Variants in AGBL3 observed in about 807,000 individuals in gnomAD.
The protein encoded by AGBL3 is cytosolic carboxypeptidase 3.
AGBL3 carries 68 observed loss-of-function variants against 94.5 expected under a neutral mutation model. The observed-to-expected ratio is 0.72, with a 90% CI of 0.59 to 0.88. AGBL3 has a LOEUF of 0.88. Ranked by LOEUF, AGBL3 falls within the 40% of genes least tolerant of loss-of-function variation. AGBL3 has a pLI of 0.00. For missense variants in AGBL3, 934 were observed against 1,103.8 expected, an observed-to-expected ratio of 0.85 and a Z score of 2.18; for synonymous variants, 354 against 370.7, an observed-to-expected ratio of 0.95 and a Z score of 0.52.
At chr7:135,017,286 T>TAG in intron 5 of AGBL3, 127 bp downstream of exon 5, 4 of 696,440 alleles carry the variant, frequency 5.7e-6, no homozygotes, top group Non-Finnish European at 1.0e-5. Flanking sequence ...TAAAGATGTT[T>TAG]GTTTATATAT....
At chr7:135,130,352 G>A (rs1242913528) in intron 16 of AGBL3, among the ~76,000 whole-genome samples, 1 of 152,100 alleles carries the variant, frequency 6.6e-6, no homozygotes, top group East Asian at 1.9e-4. Context: ...TTTATTAATG[G>A]TGTATATGCT....
At chr7:135,111,230 C>T in intron 15 of AGBL3, among the ~76,000 whole-genome samples, 1 of 152,190 alleles carries the variant, frequency 6.6e-6, no homozygotes, top group East Asian at 1.9e-4. Context: ...TGCTCTAGAT[C>T]CCATGTCCAT....
chr7:135,128,375 A>C, intron 16 of AGBL3: 1 of 370,710 alleles, frequency 2.7e-6, no homozygotes, highest in Non-Finnish European at 5.0e-6. Context: ...CCCTGGTGGG[A>C]GTGTAGCAGT....
intron 8 of AGBL3, among the ~76,000 whole-genome samples, chr7:135,041,357 A>T (rs182618030): frequency 7.2e-5 from 11 of 152,322 alleles, no homozygotes; most frequent in Admixed American, 3.9e-4. Flanking sequence ...ATCAAATTTT[A>T]TGACAGTATA....
intron 16 of AGBL3, among the ~76,000 whole-genome samples, chr7:135,133,505 G>C (rs1829079058): frequency 6.6e-6 from 1 of 152,166 alleles, no homozygotes; most frequent in African/African-American, 2.4e-5. Context: ...GGAGAGATCA[G>C]TCTATCTGAT....
At chr7:135,109,304 G>A (rs1373384259) in intron 15 of AGBL3, among the ~76,000 whole-genome samples, 3 of 152,206 alleles carry the variant, frequency 2.0e-5, no homozygotes, top group South Asian at 2.1e-4. Context: ...GGCAGCACGG[G>A]TGAGGGCTGC....
intron 4 of AGBL3, chr7:135,012,081 A>T (rs1563182101): frequency 6.6e-6 from 1 of 152,208 alleles, no homozygotes; most frequent in African/African-American, 2.4e-5. Context: ...CAATGAAATA[A>T]GCAAATTACA....
intron 10 of AGBL3, 82 bp downstream of exon 10, chr7:135,045,656 C>T: frequency 7.3e-7 from 1 of 1,375,648 alleles, no homozygotes; most frequent in Non-Finnish European, 1.0e-6. Context: ...GCAGTGTTTG[C>T]CTTTTAATGT....
At chr7:135,125,294 G>A (rs1260878204) in intron 16 of AGBL3, among the ~76,000 whole-genome samples, 1 of 152,098 alleles carries the variant, frequency 6.6e-6, no homozygotes, top group Non-Finnish European at 1.5e-5. Context: ...AGAAAATCTA[G>A]AAGAAATGGA....
In AGBL3 at chr7:135,044,009, A is replaced by G. The variant is rs1179613662; in HGVS notation, c.1501-16A>G. On this transcript the variant is annotated splice_polypyrimidine_tract_variant and intron_variant, in intron 8 of 16. Coordinates refer to ENST00000436302, the MANE Select transcript of AGBL3 (RefSeq NM_178563.4). ...TACCAGAACAACGAGTCTCATTTTT[A>G]TTTGCTGCTTTTCAGTTTTCATTCT... 1.9e-6 allele frequency: 3 copies of G among 1,545,874 alleles called. No individual in the cohort carries two copies. Among genetic ancestry groups the G allele is most frequent in the East Asian group, 2.5e-5 (1 of 40,676 alleles).
At chr7:135,132,060 T>C (rs1413966648) in intron 16 of AGBL3, among the ~76,000 whole-genome samples, 1 of 152,182 alleles carries the variant, frequency 6.6e-6, no homozygotes, top group Admixed American at 6.5e-5. Flanking sequence ...AGAAATCACC[T>C]GGCCTAGGTG....
chr7:134,987,890 C>T lies in AGBL3; in HGVS notation c.-44C>T. ...ATTTCCTTAGAAATTGTTTTACAGC[C>T]TACCCGTATATTACAAGAAATCTCA... On this transcript the variant is annotated 5_prime_UTR_variant, in exon 2 of 17. Coordinates refer to ENST00000436302, the MANE Select transcript of AGBL3 (RefSeq NM_178563.4). 2 of 1,427,832 alleles carry T rather than the reference C, an allele frequency of 1.4e-6. No individual in the cohort carries two copies. The highest frequency in any genetic ancestry group is 1.9e-6 in the Non-Finnish European group (2 of 1,042,938). 88.4% of individuals were successfully genotyped at this position (1,427,832 alleles called of 1,614,324 possible).
chr7:135,005,292 T>G lies in AGBL3; in HGVS notation c.310+11614T>G, dbSNP rs151219609. Among the ~76,000 whole-genome samples, 5 of 151,848 alleles carry G rather than the reference T, an allele frequency of 3.3e-5. No individual in the cohort carries two copies. The East Asian group carries it at 9.6e-4, about 29-fold the overall frequency. On this transcript the variant is annotated intron_variant, in intron 4 of 16. Coordinates refer to ENST00000436302, the MANE Select transcript of AGBL3 (RefSeq NM_178563.4). ...CACAACTCTAATTGTATCAATGAAT[T>G]TTAACAAATTTAACAAATGCATACA...
chr7:135,036,341 G>A (rs1052174519), intron 7 of AGBL3, among the ~76,000 whole-genome samples: 2 of 140,890 alleles, frequency 1.4e-5, no homozygotes, highest in Admixed American at 1.5e-4. Context: ...TAGACCAAAG[G>A]TTGTGCTCTT....
intron 16 of AGBL3, among the ~76,000 whole-genome samples, chr7:135,127,551 A>T (rs1295537223): frequency 4.8e-4 from 1 of 2,062 alleles, no homozygotes; most frequent in Non-Finnish European, 2.6e-3. Context: ...GTCTCCGTCT[A>T]AAAAAAAAAA....
At chr7:135,113,204 C>T (rs1825879261) in intron 15 of AGBL3, among the ~76,000 whole-genome samples, 1 of 152,138 alleles carries the variant, frequency 6.6e-6, no homozygotes, top group Non-Finnish European at 1.5e-5. Flanking sequence ...TAGCTTAAAG[C>T]AATGTGTGCT....
intron 11 of AGBL3, among the ~76,000 whole-genome samples, chr7:135,053,986 T>A (rs1366039963): frequency 6.6e-6 from 1 of 152,200 alleles, no homozygotes; most frequent in Non-Finnish European, 1.5e-5. Flanking sequence ...TATGATATAT[T>A]AATTATTTAA....
intron 12 of AGBL3, among the ~76,000 whole-genome samples, chr7:135,073,818 G>A (rs956265403): frequency 3.4e-4 from 51 of 152,216 alleles, no homozygotes; most frequent in Admixed American, 7.2e-4. Context: ...GCAAATAAGC[G>A]ATTAGGTCAG....
intron 16 of AGBL3, among the ~76,000 whole-genome samples, chr7:135,124,654 C>T (rs1267221563): frequency 6.6e-6 from 1 of 152,202 alleles, no homozygotes; most frequent in African/African-American, 2.4e-5. Flanking sequence ...GGAAGTAAAA[C>T]AGTCCTCAAC....
Sources: allele counts gnomAD v4.1 joint callset (sites outside exome capture counted in the v4.1 genomes callset), GRCh38; gene constraint gnomAD v4.1.1; transcripts MANE v1.5; gene names NCBI Gene and HGNC (gene_info 2026-07-23, HGNC 2026-07-21).